FGD4: variants seen among roughly 807,000 people sequenced by gnomAD.
FGD4 encodes the protein FYVE, RhoGEF and PH domain containing 4, also known as FYVE, RhoGEF and PH domain-containing protein 4.
A neutral mutation model predicts 102.0 loss-of-function variants in FGD4; 42 were observed. That is an observed-to-expected ratio of 0.41 (90% CI 0.32 to 0.53). The LOEUF is 0.53. FGD4 is among the 20% of genes least tolerant of loss of function. The pLI, the probability that FGD4 is intolerant of heterozygous loss-of-function variation, is 0.21. For missense variants in FGD4, 902 were observed against 1,078.2 expected (o/e 0.84, Z 2.29); for synonymous variants, 380 against 375.7 (o/e 1.01, Z -0.13).
intron 15 of FGD4, 123 bp from the exon 16 acceptor site, chr12:32,638,532 T>C: frequency 7.6e-7 from 1 of 1,308,214 alleles, no homozygotes; most frequent in African/African-American, 1.5e-5. Context: ...TAAACAATAA[T>C]TGCAAATGAA....
intron 1 of FGD4, among the ~76,000 whole-genome samples, chr12:32,435,591 T>C (rs950384077): frequency 6.6e-6 from 1 of 151,978 alleles, no homozygotes; most frequent in Non-Finnish European, 1.5e-5. Context: ...TTGATACTCA[T>C]TAGCGAATAT....
At chr12:32,481,551 G>A (rs538749656) in intron 1 of FGD4, among the ~76,000 whole-genome samples, 21 of 151,328 alleles carry the variant, frequency 1.4e-4, no homozygotes, top group African/African-American at 3.4e-4. Flanking sequence ...AGCCGGGTGC[G>A]GTGGCTCACG....
chr12:32,502,155 A>G lies in FGD4; in HGVS notation c.167-61982A>G, dbSNP rs1360578742. 14 of 985,376 alleles carry G rather than the reference A, an allele frequency of 1.4e-5. No individual in the cohort carries two copies. The South Asian group carries it at 5.6e-4, about 40-fold the overall frequency. 61.0% of individuals were successfully genotyped at this position (985,376 alleles called of 1,614,324 possible). On this transcript the variant is annotated intron_variant, in intron 1 of 16. Transcript: ENST00000534526. ...CACCATCTGTTCACTCCCCACCGGA[A>G]TGTGATTATCCTTGCTGGGCTGGGA...
intron 7 of FGD4, 63 bp downstream of exon 7, chr12:32,602,380 T>C (rs181658356): frequency 3.1e-6 from 5 of 1,594,074 alleles, no homozygotes; most frequent in Non-Finnish European, 4.3e-6. Flanking sequence ...TACAGTCTTC[T>C]ATATCTAAAA....
intron 1 of FGD4, among the ~76,000 whole-genome samples, chr12:32,504,881 T>A (rs1938557421): frequency 6.6e-6 from 1 of 152,210 alleles, no homozygotes; most frequent in Admixed American, 6.5e-5. Context: ...CATAACAAAT[T>A]CAAACATGTA....
intron 1 of FGD4, among the ~76,000 whole-genome samples, chr12:32,405,884 A>G (rs948520103): frequency 2.0e-5 from 3 of 151,946 alleles, no homozygotes; most frequent in East Asian, 1.9e-4. Flanking sequence ...TTTTTTTTCA[A>G]ATACGCATTT....
chr12:32,627,863 A>G (rs556545717), intron 14 of FGD4, among the ~76,000 whole-genome samples: 13 of 152,312 alleles, frequency 8.5e-5, no homozygotes, highest in Admixed American at 6.5e-4. Flanking sequence ...AAACAGGCTG[A>G]TGGTTAATGA....
At chr12:32,545,090 C>G (rs1034408232) in intron 1 of FGD4, among the ~76,000 whole-genome samples, 1 of 152,144 alleles carries the variant, frequency 6.6e-6, no homozygotes, top group Non-Finnish European at 1.5e-5. Context: ...GTGGCTAACC[C>G]GTTCTGGTCT....
At chr12:32,634,226 TATTA>T (rs1950662027) in intron 15 of FGD4, among the ~76,000 whole-genome samples, 1 of 151,584 alleles carries the variant, frequency 6.6e-6, no homozygotes, top group Non-Finnish European at 1.5e-5. Flanking sequence ...AATATTTCAG[TATTA>T]ATTGGCATCT....
chr12:32,404,733 T>A (rs1940849921), intron 1 of FGD4, among the ~76,000 whole-genome samples: 1 of 152,124 alleles, frequency 6.6e-6, no homozygotes, highest in South Asian at 2.1e-4. Context: ...ATTATATTTT[T>A]AAATAAAAGT....
Position 32,627,977 on chromosome 12 carries a change from A to G in FGD4, c.2172+2198A>G, listed in dbSNP as rs572725969. 3.9e-5 allele frequency among the ~76,000 whole-genome samples: 6 copies of G among 152,246 alleles called. No individual in the cohort carries two copies. In the South Asian group the frequency reaches 1.0e-3, roughly 26 times the overall value. ...ATTAGAAATAAGAGAGATGTTGGTG[A>G]AAAAAATGGGATATGTGAACCTGGC... On this transcript the variant is annotated intron_variant, in intron 14 of 16. Coordinates refer to ENST00000534526, the MANE Select transcript of FGD4 (RefSeq NM_001370298.3).
At chr12:32,558,272 T>A (rs954622133) in intron 1 of FGD4, among the ~76,000 whole-genome samples, 25 of 152,214 alleles carry the variant, frequency 1.6e-4, no homozygotes, top group Middle Eastern at 3.2e-3. Flanking sequence ...TTTTGGTTTT[T>A]TAAAGTATGT....
At chr12:32,636,011 C>CTAA (rs147444731) in intron 15 of FGD4, among the ~76,000 whole-genome samples, 4,625 of 146,776 alleles carry the variant, frequency 0.032, 75 homozygotes, top group Non-Finnish European at 0.041. Flanking sequence ...GACTCTGTCT[C>CTAA]TAATAATAAT....
intron 8 of FGD4, among the ~76,000 whole-genome samples, 180 bp from the exon 9 acceptor site, chr12:32,610,596 G>A (rs1038469714): frequency 2.0e-5 from 3 of 152,166 alleles, no homozygotes; most frequent in African/African-American, 7.2e-5. Flanking sequence ...GAAATACGAA[G>A]TTTCAAGTAA....
chr12:32,494,061 T>G lies in FGD4; in HGVS notation c.167-70076T>G, dbSNP rs147100301. Reference sequence around the variant, plus strand: ...GTCAAACTTCGTCAGGGAAGTGTTTTCTAAGAGTTGATCTAGCTATGTTGC... The same window carrying G: ...GTCAAACTTCGTCAGGGAAGTGTTTGCTAAGAGTTGATCTAGCTATGTTGC... On this transcript the variant is annotated intron_variant, in intron 1 of 16. Transcript: ENST00000534526. Among the ~76,000 whole-genome samples, 974 of 152,300 alleles carry G rather than the reference T, an allele frequency of 6.4e-3. 20 individuals are homozygous for G. The highest frequency in any genetic ancestry group is 0.022 in the African/African-American group (915 of 41,560).
chr12:32,570,632 G>A (rs1453899991), intron 2 of FGD4, among the ~76,000 whole-genome samples: 3 of 151,960 alleles, frequency 2.0e-5, no homozygotes, highest in Non-Finnish European at 2.9e-5. Context: ...AGTAGCGTGG[G>A]GTTTCGCCAT....
chr12:32,600,813 C>T (rs1054742364), intron 5 of FGD4, among the ~76,000 whole-genome samples: 7 of 151,882 alleles, frequency 4.6e-5, no homozygotes, highest in African/African-American at 1.7e-4. Context: ...AAGGAGCATA[C>T]AATTTTAATA....
chr12:32,470,306 G>C (rs532870235), intron 1 of FGD4, among the ~76,000 whole-genome samples: 65 of 152,190 alleles, frequency 4.3e-4, no homozygotes, highest in African/African-American at 1.5e-3. Flanking sequence ...CAAAGGAGCA[G>C]GCATAAGGCA....
chr12:32,443,519 G>A (rs984614347), intron 1 of FGD4, among the ~76,000 whole-genome samples: 1 of 148,382 alleles, frequency 6.7e-6, no homozygotes, highest in African/African-American at 2.5e-5. Context: ...GCCTGGCTGA[G>A]ATCTTGTGTT....
Sources: allele counts gnomAD v4.1 joint callset (sites outside exome capture counted in the v4.1 genomes callset), GRCh38; gene constraint gnomAD v4.1.1; transcripts MANE v1.5; gene names NCBI Gene and HGNC (gene_info 2026-07-23, HGNC 2026-07-21).